SUPT20H: variants seen among roughly 807,000 people sequenced by gnomAD.
SUPT20H encodes the protein SPT20 homolog, SAGA complex component.
Under a neutral mutation model 122.8 loss-of-function variants are expected in SUPT20H, and 82 were observed. That is an observed-to-expected ratio of 0.67 (90% CI 0.56 to 0.80). The LOEUF is 0.80. SUPT20H is among the 30% of genes least tolerant of loss of function. The probability of loss-of-function intolerance (pLI) is 0.00; values close to 1 mark genes in which losing one functional copy is unlikely to be tolerated. For synonymous variants in SUPT20H, 291 were observed against 313.0 expected (o/e 0.93, Z 0.74); for missense variants, 831 against 921.6 (o/e 0.90, Z 1.27).
At chr13:37,027,367 C>T (rs1463057705) in intron 14 of SUPT20H, among the ~76,000 whole-genome samples, 6 of 151,576 alleles carry the variant, frequency 4.0e-5, no homozygotes, top group Non-Finnish European at 7.4e-5. Flanking sequence ...GATCCTTTTA[C>T]AATAATAAAA....
chr13:37,028,161 T>C lies in SUPT20H; in HGVS notation c.1138A>G (p.Met380Val). 6.2e-7 allele frequency: 1 copy of C among 1,607,458 alleles called. No homozygotes were observed. Among genetic ancestry groups the C allele is most frequent in the Non-Finnish European group, 8.5e-7 (1 of 1,177,824 alleles). Residue 380 changes from methionine to valine, a missense_variant, in exon 14 of 26, where the codon ATG (methionine) becomes GTG (valine). Coordinates refer to ENST00000350612, the MANE Select transcript of SUPT20H (RefSeq NM_001014286.3). Reference sequence around the variant, plus strand: ...AACAGAACTCACTGTGATGGAGACATCTGGCTGTCACTTTCTTCATCTGCT... The same window carrying C: ...AACAGAACTCACTGTGATGGAGACACCTGGCTGTCACTTTCTTCATCTGCT... Reference protein sequence around the residue: ...CKADEESDSQMSPSHSSTDDH... With the variant: ...CKADEESDSQVSPSHSSTDDH...
At chr13:37,027,499 T>A (rs759876869) in intron 14 of SUPT20H, among the ~76,000 whole-genome samples, 10 of 152,112 alleles carry the variant, frequency 6.6e-5, no homozygotes, top group Non-Finnish European at 2.9e-5. Context: ...AATTAGTATT[T>A]TGTGTAAGTA....
At chr13:37,021,970 A>G (rs1428264264) in intron 20 of SUPT20H, 41 bp downstream of exon 20, 4 of 1,520,892 alleles carry the variant, frequency 2.6e-6, no homozygotes, top group Non-Finnish European at 2.6e-6. Context: ...TGGTGAAACT[A>G]TCTTTATAAA....
chr13:37,022,765 C>A lies in SUPT20H; in HGVS notation c.1592-685G>T. On this transcript the variant is annotated intron_variant, in intron 19 of 25. Coordinates refer to ENST00000350612, the MANE Select transcript of SUPT20H (RefSeq NM_001014286.3). The surrounding 1 kb of genome is among the most constrained non-coding windows in gnomAD (Gnocchi z 4.5). ...TAATAAGTTACATATGGTTAACAAT[C>A]ATATTTGGCACCTAAATATACATGT... is the stretch of plus-strand genomic sequence containing the variant. 9.9e-7 allele frequency: 1 copy of A among 1,006,642 alleles called. No homozygotes were observed. Among genetic ancestry groups the A allele is most frequent in the East Asian group, 9.1e-5 (1 of 11,012 alleles). The allele number at this position is 1,006,642 out of a possible 1,614,324, so 62.4% of individuals were successfully genotyped here.
intron 7 of SUPT20H, among the ~76,000 whole-genome samples, chr13:37,043,167 T>C (rs1261576694): frequency 6.6e-6 from 1 of 151,938 alleles, no homozygotes; most frequent in Non-Finnish European, 1.5e-5. Flanking sequence ...AAGGGGAGGA[T>C]CCAGAAAACA....
At chr13:37,021,673 T>C in intron 20 of SUPT20H, 71 bp from the exon 21 acceptor site, 3 of 1,475,832 alleles carry the variant, frequency 2.0e-6, no homozygotes, top group Non-Finnish European at 2.7e-6. Flanking sequence ...ATTCCTCAGA[T>C]TAAAAAACAA....
intron 7 of SUPT20H, 78 bp from the exon 8 acceptor site, chr13:37,040,770 A>G: frequency 9.5e-7 from 1 of 1,053,506 alleles, no homozygotes; most frequent in South Asian, 1.3e-5. Context: ...AACATTTCGC[A>G]TTCTTTACAT....
Position 37,028,163 on chromosome 13 carries a change from T to C in SUPT20H, c.1136A>G (p.Gln379Arg), listed in dbSNP as rs2062656075. The change falls in exon 14 of 26, where the codon CAG (glutamine) becomes CGG (arginine). Residue 379 changes from glutamine (Q) to arginine (R), a missense_variant. Coordinates refer to ENST00000350612, the MANE Select transcript of SUPT20H (RefSeq NM_001014286.3). ...CAGAACTCACTGTGATGGAGACATCTGGCTGTCACTTTCTTCATCTGCTTT... is the reference window on the plus strand; with the variant it reads ...CAGAACTCACTGTGATGGAGACATCCGGCTGTCACTTTCTTCATCTGCTTT... ...PCKADEESDS[Q>R]MSPSHSSTDD... The C allele has an allele frequency of 6.2e-7, 1 of 1,607,708 alleles. No individual in the cohort carries two copies.
intron 2 of SUPT20H, among the ~76,000 whole-genome samples, chr13:37,051,161 T>C (rs372902715): frequency 6.6e-6 from 1 of 152,212 alleles, no homozygotes. Flanking sequence ...ATACGAGAAA[T>C]CTATACTCCC....
At chr13:37,030,886 G>A (rs548333600) in intron 12 of SUPT20H, among the ~76,000 whole-genome samples, 5 of 152,230 alleles carry the variant, frequency 3.3e-5, no homozygotes, top group Admixed American at 6.5e-5. Flanking sequence ...TGTGCTTTGC[G>A]TAATTTCTTT....
At chr13:37,040,300 A>C in intron 9 of SUPT20H, 105 bp downstream of exon 9, 2 of 1,038,178 alleles carry the variant, frequency 1.9e-6, no homozygotes, top group Non-Finnish European at 2.7e-6. Context: ...AAAGCATCAA[A>C]CTTAATTATT....
In SUPT20H at chr13:37,011,857, T is replaced by C. The variant is rs563894391; in HGVS notation, c.2098+335A>G. Among the ~76,000 whole-genome samples the C allele has an allele frequency of 2.6e-5, 4 of 152,292 alleles. No individual in the cohort carries two copies. In the South Asian group the frequency reaches 8.3e-4, roughly 32 times the overall value. On this transcript the variant is annotated intron_variant, in intron 24 of 25. Transcript: ENST00000350612. Reference sequence around the variant, plus strand: ...TTATGCAATCTAGAAAAATTCAGTCTTAACCCAGGAAAACAAAAAAGTTAT... The same window carrying C: ...TTATGCAATCTAGAAAAATTCAGTCCTAACCCAGGAAAACAAAAAAGTTAT...
Position 37,028,313 on chromosome 13 carries a change from A to G in SUPT20H, c.994-8T>C, listed in dbSNP as rs756739952. 43 of 1,602,944 alleles carry G rather than the reference A, an allele frequency of 2.7e-5. No homozygotes were observed. The highest frequency in any genetic ancestry group is 3.6e-5 in the Non-Finnish European group (42 of 1,176,288). On this transcript the variant is annotated splice_polypyrimidine_tract_variant and splice_region_variant and intron_variant, in intron 13 of 25. Coordinates refer to ENST00000350612, the MANE Select transcript of SUPT20H (RefSeq NM_001014286.3). ...ATAATCATCTTTTACATCCTGAAAA[A>G]TGCATAGCACCTCAAATAAATACCT...
chr13:37,056,628 G>T (rs1441021744), intron 1 of SUPT20H, among the ~76,000 whole-genome samples: 1 of 152,076 alleles, frequency 6.6e-6, no homozygotes, highest in African/African-American at 2.4e-5. Flanking sequence ...GGTGGGAGGA[G>T]GGGGGAGGGA....
In SUPT20H at chr13:37,028,477, G is replaced by A. The variant is rs545196725; in HGVS notation, c.994-172C>T. Among the ~76,000 whole-genome samples, 5 of 152,138 alleles carry A rather than the reference G, an allele frequency of 3.3e-5. No individual in the cohort carries two copies. The South Asian group carries it at 1.0e-3, about 32-fold the overall frequency. On this transcript the variant is annotated intron_variant, in intron 13 of 25. Transcript: ENST00000350612. Reference sequence around the variant, plus strand: ...GCCTATGAGAATAAAGCACAGCACGGTTCTTTTCCTAAAAACTATATGGGC... The same window carrying A: ...GCCTATGAGAATAAAGCACAGCACGATTCTTTTCCTAAAAACTATATGGGC...
chr13:37,048,412 GT>G (rs1229133411), intron 3 of SUPT20H, 151 bp downstream of exon 3: 2 of 505,326 alleles, frequency 4.0e-6, no homozygotes, highest in Non-Finnish European at 6.7e-6. Flanking sequence ...ATATCACCTG[GT>G]ATTTTTATAT....
Position 37,012,218 on chromosome 13 carries a change from C to T in SUPT20H, c.2072G>A (p.Gly691Glu), listed in dbSNP as rs777885176. ...QAAVINLTGV[G>E]SFMQSQAAVL... is the part of the protein sequence containing the mutation. ...AGCTGCCTGTGACTGCATAAAACTT[C>T]CTACTCCAGTAAGGTTAATAACAGC... The change falls in exon 24 of 26, where the codon GGA becomes GAA. Residue 691 changes from glycine (G) to glutamate (E), a missense_variant. Transcript: ENST00000350612. 18 of 1,613,068 alleles carry T rather than the reference C, an allele frequency of 1.1e-5. No homozygotes were observed. The highest frequency in any genetic ancestry group is 3.3e-5 in the Admixed American group (2 of 59,966).
intron 19 of SUPT20H, chr13:37,023,716 C>T (rs1432129534): frequency 1.1e-5 from 2 of 186,848 alleles, no homozygotes; most frequent in South Asian, 1.9e-4. Context: ...CTAGGGTACA[C>T]TGGAATAAAA....
intron 13 of SUPT20H, 99 bp downstream of exon 13, chr13:37,029,665 AG>A: frequency 1.1e-6 from 1 of 943,218 alleles, no homozygotes; most frequent in Non-Finnish European, 1.6e-6. Context: ...AAAAGAAAAA[AG>A]GTCCCAAACT....
Sources: gnomAD v4.1 joint callset for allele counts (sites outside exome capture counted in the v4.1 genomes callset) on GRCh38, gnomAD v4.1.1 for gene constraint, Gnocchi (gnomAD v3.1) non-coding constraint, MANE v1.5 for transcripts, NCBI Gene and HGNC (gene_info 2026-07-23, HGNC 2026-07-21) for gene names.